Variants in PCNX2 observed in about 807,000 individuals in gnomAD.
PCNX2 encodes the protein pecanex 2, also known as pecanex-like protein 2.
Under a neutral mutation model 223.8 loss-of-function variants are expected in PCNX2, and 168 were observed. That is an observed-to-expected ratio of 0.75 (90% CI 0.66 to 0.85). The LOEUF is 0.85. PCNX2 is among the 40% of genes least tolerant of loss of function. PCNX2 has a pLI of 0.00. For missense variants in PCNX2, 2,507 were observed against 2,675.5 expected (o/e 0.94, Z 1.39); for synonymous variants, 1,006 against 1,052.6 (o/e 0.96, Z 0.86).
chr1:233,302,645 C>CATATATATATATATATATAT, the PCNX2 span, among the ~76,000 whole-genome samples: 167 of 147,482 alleles, frequency 1.1e-3, no homozygotes, highest in Non-Finnish European at 1.8e-3. Context: ...CTCCTTCCAT[C>CATATATATATATATATATAT]ATATATATAT....
chr1:233,208,822 T>TAAA, intron 12 of PCNX2, 133 bp from the exon 13 acceptor site: 1 of 19,638 alleles, frequency 5.1e-5, no homozygotes, highest in Non-Finnish European at 8.7e-5. Context: ...CCACAATTCA[T>TAAA]ATACAAAAAA....
At chr1:233,167,893 T>C in intron 17 of PCNX2, 3 of 858,090 alleles carry the variant, frequency 3.5e-6, no homozygotes, top group Non-Finnish European at 4.2e-6. Flanking sequence ...TATAAATATA[T>C]GTAGGTTTTT....
intron 21 of PCNX2, among the ~76,000 whole-genome samples, chr1:233,132,913 T>G (rs1420869609): frequency 6.6e-6 from 1 of 150,782 alleles, no homozygotes; most frequent in East Asian, 1.9e-4. Flanking sequence ...TTTTTTTTTT[T>G]TTGAGACAGG....
intron 23 of PCNX2, among the ~76,000 whole-genome samples, chr1:233,073,011 G>A (rs945601396): frequency 6.6e-6 from 1 of 152,056 alleles, no homozygotes; most frequent in African/African-American, 2.4e-5. Flanking sequence ...CTGGTCCTGG[G>A]CTTTTTCTTT....
chr1:233,219,065 T>C (rs542020605), intron 10 of PCNX2, among the ~76,000 whole-genome samples: 3 of 152,102 alleles, frequency 2.0e-5, no homozygotes, highest in African/African-American at 7.2e-5. Context: ...GGGTGACTCT[T>C]GTATGGACTC....
intron 25 of PCNX2, chr1:233,031,803 T>A (rs1179077395): frequency 1.4e-5 from 13 of 960,242 alleles, no homozygotes; most frequent in East Asian, 1.2e-4. Context: ...TTTTTTTTTT[T>A]AAACATTTCA....
At chr1:233,255,607 C>T (rs1160058569) in intron 5 of PCNX2, among the ~76,000 whole-genome samples, 2 of 152,134 alleles carry the variant, frequency 1.3e-5, no homozygotes, top group Non-Finnish European at 2.9e-5. Context: ...TTTTCCATAG[C>T]CTTGAATTCT....
chr1:233,177,980 C>T, intron 16 of PCNX2, 82 bp from the exon 17 acceptor site: 2 of 1,041,022 alleles, frequency 1.9e-6, no homozygotes, highest in Non-Finnish European at 1.4e-6. Flanking sequence ...TTAGATCTCA[C>T]ACCCACACAT....
At chr1:233,077,464 T>C (rs969395800) in intron 23 of PCNX2, among the ~76,000 whole-genome samples, 13 of 152,284 alleles carry the variant, frequency 8.5e-5, no homozygotes, top group Middle Eastern at 3.4e-3. Flanking sequence ...TGTTTACCAG[T>C]GATAACGTTA....
At chr1:233,107,834 AC>A (rs1362175703) in intron 21 of PCNX2, among the ~76,000 whole-genome samples, 1 of 152,230 alleles carries the variant, frequency 6.6e-6, no homozygotes, top group African/African-American at 2.4e-5. Context: ...GCATTCCCAG[AC>A]ACTTAAGGCA....
rs142783583 is a variant in PCNX2 at position 233,238,136 on chromosome 1, T to C, written c.2223-1156A>G. ...ACCAACCTTGAACAGATCATACCTT[T>C]GGGCCTCTTGTGTTCTGGCATAATA... On this transcript the variant is annotated intron_variant, in intron 8 of 33. Coordinates refer to ENST00000258229, the MANE Select transcript of PCNX2 (RefSeq NM_014801.4). Among the ~76,000 whole-genome samples, 541 of 152,318 alleles carry C rather than the reference T, an allele frequency of 3.6e-3. 1 individual carries two copies. The highest frequency in any genetic ancestry group is 7.1e-3 in the Admixed American group (108 of 15,292).
chr1:233,014,614 G>A, intron 28 of PCNX2, 51 bp downstream of exon 28: 1 of 1,390,252 alleles, frequency 7.2e-7, no homozygotes, highest in South Asian at 1.2e-5. Context: ...TGTCAAACAT[G>A]TGAAAGTGGG....
At chr1:233,098,745 G>A (rs549068184) in intron 21 of PCNX2, among the ~76,000 whole-genome samples, 1 of 152,232 alleles carries the variant, frequency 6.6e-6, no homozygotes, top group Non-Finnish European at 1.5e-5. Flanking sequence ...GCTAACACAT[G>A]CCAATATTTA....
chr1:233,169,322 T>C (rs1678993295), intron 17 of PCNX2, among the ~76,000 whole-genome samples: 1 of 152,184 alleles, frequency 6.6e-6, no homozygotes, highest in Admixed American at 6.5e-5. Context: ...TTATTTAATA[T>C]ATTTTTTGAA....
intron 32 of PCNX2, among the ~76,000 whole-genome samples, chr1:232,987,425 A>G (rs1558143721): frequency 1.3e-5 from 2 of 152,262 alleles, no homozygotes; most frequent in Non-Finnish European, 1.5e-5. Context: ...TTGAGCATCC[A>G]TGATCACTAG....
chr1:233,118,991 T>A (rs144193151), intron 21 of PCNX2, among the ~76,000 whole-genome samples: 8 of 152,310 alleles, frequency 5.3e-5, no homozygotes, highest in African/African-American at 1.9e-4. Context: ...TTCTTGGTAT[T>A]GGTGAAGGGA....
intron 17 of PCNX2, among the ~76,000 whole-genome samples, chr1:233,174,200 TTATA>T (rs1182270741): frequency 4.1e-5 from 6 of 145,014 alleles, no homozygotes; most frequent in Admixed American, 2.8e-4. Flanking sequence ...TTAATTTATA[TTATA>T]TATTATATAA....
chr1:233,217,486 C>T (rs1183078239), intron 12 of PCNX2, among the ~76,000 whole-genome samples: 1 of 152,132 alleles, frequency 6.6e-6, no homozygotes, highest in South Asian at 2.1e-4. Flanking sequence ...TTCCATTAGA[C>T]CTATTTACAC....
intron 21 of PCNX2, among the ~76,000 whole-genome samples, chr1:233,123,097 A>G (rs1675898746): frequency 6.6e-6 from 1 of 152,214 alleles, no homozygotes; most frequent in Non-Finnish European, 1.5e-5. Context: ...ACGTTAGACC[A>G]AACTCAGGAT....
Sources: allele counts gnomAD v4.1 joint callset (sites outside exome capture counted in the v4.1 genomes callset), GRCh38; gene constraint gnomAD v4.1.1; transcripts MANE v1.5; gene names NCBI Gene and HGNC (gene_info 2026-07-23, HGNC 2026-07-21).